The following MAX variants were observed in gnomAD, a reference collection of about 807,000 sequenced individuals.
The protein encoded by MAX is protein max.
Under a neutral mutation model 22.3 loss-of-function variants are expected in MAX, and 3 were observed. That is an observed-to-expected ratio of 0.13 (90% CI 0.06 to 0.35). The LOEUF (loss-of-function observed/expected upper bound fraction) is 0.35, where lower values mean the gene tolerates loss of function less well. Among genes scored for constraint, MAX ranks in the 10% least tolerant of loss-of-function variants. The probability of loss-of-function intolerance (pLI) is 1.00; values close to 1 mark genes in which losing one functional copy is unlikely to be tolerated. For missense variants in MAX, 119 were observed against 209.4 expected (o/e 0.57, Z 2.66); for synonymous variants, 72 against 77.7 (o/e 0.93, Z 0.39).
At chr14:65,056,114 A>G (rs1566580242) in intron 3 of MAX, among the ~76,000 whole-genome samples, 1 of 152,210 alleles carries the variant, frequency 6.6e-6, no homozygotes, top group Non-Finnish European at 1.5e-5. Flanking sequence ...TTTTATAAGC[A>G]ATATAACAGT....
At chr14:65,057,549 C>A (rs2062765091) in intron 3 of MAX, among the ~76,000 whole-genome samples, 2 of 152,124 alleles carry the variant, frequency 1.3e-5, no homozygotes, top group Admixed American at 6.5e-5. Context: ...GAATCTCTAC[C>A]ATTTTTTGAG....
In MAX at chr14:65,031,872, GATC is replaced by G. The variant is rs1209351423; in HGVS notation, c.172-25591_172-25589del. On this transcript the variant is annotated intron_variant, in intron 3 of 3. Coordinates refer to the MAX transcript ENST00000341653. The surrounding 1 kb of genome is among the most constrained non-coding windows in gnomAD (Gnocchi z 4.6). ...GGAGGCGGAGGTTGCAGTGAGCTGA[GATC>G]ATACCACTGCACTCTAGCCTGGGCG... Among the ~76,000 whole-genome samples, 1 of 152,112 alleles carries G rather than the reference GATC, an allele frequency of 6.6e-6. No homozygotes were observed. Among genetic ancestry groups the G allele is most frequent in the Non-Finnish European group, 1.5e-5 (1 of 68,044 alleles).
In MAX at chr14:65,089,464, T is replaced by C. The variant is rs1323553705; in HGVS notation, c.171+4244A>G. Among the ~76,000 whole-genome samples the C allele has an allele frequency of 3.9e-5, 6 of 152,000 alleles. 1 individual carries two copies. In the East Asian group the frequency reaches 7.7e-4, roughly 20 times the overall value. The stretch of plus-strand genomic sequence containing the variant: ...GGCACTGAGGGAGAGACTTAAAAGA[T>C]GAGAAATTACTATAAACCACTGTAG... On this transcript the variant is annotated intron_variant, in intron 3 of 4. Transcript: ENST00000358664.
At position 65,054,470 on chromosome 14, in the gene MAX, G is replaced by T. The variant is rs1042594652; in HGVS notation, c.171+39238C>A. 75 of 1,120,874 alleles carry T rather than the reference G, an allele frequency of 6.7e-5. No homozygotes were observed. In the African/African-American group the frequency reaches 7.1e-4, roughly 11 times the overall value. The allele number at this position is 1,120,874 out of a possible 1,614,324, so 69.4% of individuals were successfully genotyped here. ...GCCTCCTCTAGCCACATGGAGGATG[G>T]GGGGGGACGTGTGATTGCACCAGTG... On this transcript the variant is annotated intron_variant, in intron 3 of 3. Transcript: ENST00000341653. The surrounding 1 kb of genome is among the most constrained non-coding windows in gnomAD (Gnocchi z 4.4).
At chr14:65,066,966 A>G (rs1183770798) in intron 3 of MAX, among the ~76,000 whole-genome samples, 1 of 151,324 alleles carries the variant, frequency 6.6e-6, no homozygotes, top group Non-Finnish European at 1.5e-5. Flanking sequence ...ACTTGAACTC[A>G]GGAGTTTGAG....
chr14:65,022,393 T>C (rs575729567), intron 3 of MAX, among the ~76,000 whole-genome samples: 1 of 152,188 alleles, frequency 6.6e-6, no homozygotes, highest in Non-Finnish European at 1.5e-5. Context: ...GCTGAAGTTT[T>C]TTATGTAACC....
chr14:65,043,522 C>T (rs1160533331), intron 3 of MAX, among the ~76,000 whole-genome samples: 2 of 152,172 alleles, frequency 1.3e-5, no homozygotes, highest in African/African-American at 4.8e-5. Context: ...TTGAGATCAT[C>T]TGATGAAATG....
chr14:65,102,497 G>T lies in MAX; in HGVS notation c.-158C>A. 6.7e-7 allele frequency: 1 copy of T among 1,487,552 alleles called. No homozygotes were observed. The highest frequency in any genetic ancestry group is 8.9e-7 in the Non-Finnish European group (1 of 1,119,224). 92.1% of individuals were successfully genotyped at this position (1,487,552 alleles called of 1,614,324 possible). ...CTCACTCACACACACACACAACACG[G>T]GCAAGAACCACCTCCTCACTGCAGC... On this transcript the variant is annotated 5_prime_UTR_variant, in exon 1 of 5. Transcript: ENST00000358664.
In MAX at chr14:65,014,999, C is replaced by T. The variant is rs1453251187; in HGVS notation, c.172-8715G>A. 6.6e-6 allele frequency among the ~76,000 whole-genome samples: 1 copy of T among 151,946 alleles called. No homozygotes were observed. The highest frequency in any genetic ancestry group is 2.4e-5 in the African/African-American group (1 of 41,390). ...AAAATAGCAGCCCCTAACCTCCTGGCCTGTAGGAAGTCCTCTGCTCAGCCT... is the reference window on the plus strand; with the variant it reads ...AAAATAGCAGCCCCTAACCTCCTGGTCTGTAGGAAGTCCTCTGCTCAGCCT... On this transcript the variant is annotated intron_variant, in intron 3 of 3. Transcript: ENST00000341653. This position sits in a 1 kb window ranked among gnomAD's most constrained non-coding sequence, Gnocchi z 5.1.
At chr14:65,020,349 T>C (rs1203484354) in intron 3 of MAX, among the ~76,000 whole-genome samples, 4 of 152,216 alleles carry the variant, frequency 2.6e-5, no homozygotes, top group East Asian at 3.8e-4. Flanking sequence ...CTGGGCTCAA[T>C]TGATCCTCCT....
intron 3 of MAX, chr14:65,041,029 T>A: frequency 6.7e-7 from 1 of 1,501,724 alleles, no homozygotes; most frequent in Middle Eastern, 1.8e-4. Flanking sequence ...GCTAAGAGAG[T>A]TAGCTCTGTT....
At chr14:65,058,234 A>AT (rs2062784918) in intron 3 of MAX, among the ~76,000 whole-genome samples, 1 of 143,244 alleles carries the variant, frequency 7.0e-6, no homozygotes, top group Non-Finnish European at 1.5e-5. Context: ...TTTTTTTATA[A>AT]TTTTTTCCAT....
chr14:65,027,380 A>G lies in MAX; in HGVS notation c.172-21096T>C. On this transcript the variant is annotated intron_variant, in intron 3 of 3. Transcript: ENST00000341653. The surrounding 1 kb of genome is among the most constrained non-coding windows in gnomAD (Gnocchi z 5.7). ...GTGGGGGATCATTGGAAAGGCCTGG[A>G]ATCTAGTGGGAATTTGGTGTTTTGA... 1 of 1,585,122 alleles carries G rather than the reference A, an allele frequency of 6.3e-7. No homozygotes were observed. Among genetic ancestry groups the G allele is most frequent in the South Asian group, 1.2e-5 (1 of 85,604 alleles).
At chr14:65,072,090 G>A (rs1284920817), downstream of MAX, among the ~76,000 whole-genome samples, 1 of 152,204 alleles carries the variant, frequency 6.6e-6, no homozygotes, top group Non-Finnish European at 1.5e-5. Context: ...CTTCAGGCTA[G>A]AGAAACAGTT....
chr14:65,075,650 C>G lies in MAX; in HGVS notation c.*826G>C. 1 of 1,066,434 alleles carries G rather than the reference C, an allele frequency of 9.4e-7. No homozygotes were observed. Among genetic ancestry groups the G allele is most frequent in the Non-Finnish European group, 1.1e-6 (1 of 879,786 alleles). The allele number at this position is 1,066,434 out of a possible 1,614,324, so 66.1% of individuals were successfully genotyped here. The stretch of plus-strand genomic sequence containing the variant: ...AATTTAAGTAGCAGGAAATAAATAT[C>G]AAAACATCATCACTGGCCCTCAATA... On this transcript the variant is annotated 3_prime_UTR_variant, in exon 5 of 5. Transcript: ENST00000358664. The surrounding 1 kb of genome is among the most constrained non-coding windows in gnomAD (Gnocchi z 4.1).
At position 65,077,866 on chromosome 14, in the gene MAX, G is replaced by C. The variant is rs548782324; in HGVS notation, c.295+47C>G. 1 of 1,614,224 alleles carries C rather than the reference G, an allele frequency of 6.2e-7. No individual in the cohort carries two copies. Among genetic ancestry groups the C allele is most frequent in the Admixed American group, 1.7e-5 (1 of 60,028 alleles). ...AGGCCCAGGTGCCAAAGCCTGACCTGGCTGGAGCACAGCAGGGCCAGCTGC... is the reference window on the plus strand; with the variant it reads ...AGGCCCAGGTGCCAAAGCCTGACCTCGCTGGAGCACAGCAGGGCCAGCTGC... On this transcript the variant is annotated intron_variant, in intron 4 of 4. Coordinates refer to ENST00000358664, the MANE Select transcript of MAX (RefSeq NM_002382.5). This position sits in a 1 kb window ranked among gnomAD's most constrained non-coding sequence, Gnocchi z 6.3.
At chr14:65,094,205 TG>T (rs1049002376) in intron 2 of MAX, 158 of 313,922 alleles carry the variant, frequency 5.0e-4, no homozygotes, top group Non-Finnish European at 6.2e-4. Context: ...TCTTAAGATG[TG>T]ATCACCTCCA....
chr14:65,064,505 T>C (rs959309801), intron 3 of MAX, among the ~76,000 whole-genome samples: 1 of 152,144 alleles, frequency 6.6e-6, no homozygotes, highest in African/African-American at 2.4e-5. Flanking sequence ...GCAGCACCAA[T>C]AGCTCCAGAC....
chr14:65,077,633 A>C lies in MAX; in HGVS notation c.295+280T>G. The C allele has an allele frequency of 8.1e-7, 1 of 1,236,834 alleles. No homozygotes were observed. Among genetic ancestry groups the C allele is most frequent in the South Asian group, 1.3e-5 (1 of 77,200 alleles). 76.6% of individuals were successfully genotyped at this position (1,236,834 alleles called of 1,614,324 possible). On this transcript the variant is annotated intron_variant, in intron 4 of 4. Transcript: ENST00000358664. The surrounding 1 kb of genome is among the most constrained non-coding windows in gnomAD (Gnocchi z 6.3). ...TGATGCCAGGTGTGATCCCTACTGC[A>C]GGCAGAGCACCTGAGCCCCAAGAAG...
Sources: gnomAD v4.1 joint callset for allele counts (sites outside exome capture counted in the v4.1 genomes callset) on GRCh38, gnomAD v4.1.1 for gene constraint, Gnocchi (gnomAD v3.1) non-coding constraint, MANE v1.5 for transcripts, NCBI Gene and HGNC (gene_info 2026-07-23, HGNC 2026-07-21) for gene names.